ZBTB20: variants seen among roughly 807,000 people sequenced by gnomAD.
ZBTB20 encodes zinc finger and BTB domain containing 20.
Under a neutral mutation model 56.9 loss-of-function variants are expected in ZBTB20, and 9 were observed. The ratio of observed to expected loss-of-function variants is 0.16; its 90% CI spans 0.10 to 0.28. The LOEUF is 0.28. Among genes scored for constraint, ZBTB20 ranks in the 10% least tolerant of loss-of-function variants. The probability of loss-of-function intolerance (pLI) is 1.00; values close to 1 mark genes in which losing one functional copy is unlikely to be tolerated. For synonymous variants in ZBTB20, 417 were observed against 420.7 expected (o/e 0.99, Z 0.11); for missense variants, 655 against 1,003.0 (o/e 0.65, Z 4.69).
chr3:115,146,116 A>C (rs1238291083), intron 1 of ZBTB20, among the ~76,000 whole-genome samples: 1 of 152,184 alleles, frequency 6.6e-6, no homozygotes, highest in Non-Finnish European at 1.5e-5. Context: ...GCAAGCTTCC[A>C]AACTACTTCC....
intron 2 of ZBTB20, among the ~76,000 whole-genome samples, chr3:115,043,815 C>T (rs2081240804): frequency 6.6e-6 from 1 of 151,820 alleles, no homozygotes; most frequent in Non-Finnish European, 1.5e-5. Flanking sequence ...AATATGTGTC[C>T]CCTCCAAATC....
intron 6 of ZBTB20, among the ~76,000 whole-genome samples, chr3:114,518,328 GA>G (rs949225410): frequency 2.6e-5 from 4 of 151,252 alleles, no homozygotes; most frequent in Non-Finnish European, 4.4e-5. Context: ...AAATAGAAGA[GA>G]AAAAAAACCC....
At chr3:115,100,949 C>A (rs2083563187) in intron 1 of ZBTB20, among the ~76,000 whole-genome samples, 1 of 152,172 alleles carries the variant, frequency 6.6e-6, no homozygotes, top group South Asian at 2.1e-4. Flanking sequence ...GAAATCATTG[C>A]TCAGTTAATA....
chr3:114,485,025 T>C (rs2041967508), intron 7 of ZBTB20, among the ~76,000 whole-genome samples: 1 of 152,156 alleles, frequency 6.6e-6, no homozygotes, highest in African/African-American at 2.4e-5. Flanking sequence ...ATTGATTTGG[T>C]AGCTTTTGGA....
intron 3 of ZBTB20, among the ~76,000 whole-genome samples, chr3:114,905,012 G>T (rs1397162383): frequency 1.3e-5 from 2 of 151,804 alleles, no homozygotes; most frequent in Non-Finnish European, 2.9e-5. Flanking sequence ...TAAAATGAAA[G>T]AATTTAATAT....
At chr3:114,925,371 C>T (rs1051711287) in intron 3 of ZBTB20, among the ~76,000 whole-genome samples, 4 of 152,110 alleles carry the variant, frequency 2.6e-5, no homozygotes, top group East Asian at 1.9e-4. Flanking sequence ...TCTCTTAAAG[C>T]GCAGTTTTAA....
intron 3 of ZBTB20, among the ~76,000 whole-genome samples, chr3:114,920,859 AAAAG>A (rs912662152): frequency 1.3e-5 from 2 of 152,116 alleles, no homozygotes; most frequent in African/African-American, 2.4e-5. Flanking sequence ...CCCAAGGAAA[AAAAG>A]AAAGAAGACT....
chr3:114,490,963 TC>T (rs2042688209), intron 7 of ZBTB20, among the ~76,000 whole-genome samples: 1 of 152,174 alleles, frequency 6.6e-6, no homozygotes, highest in Non-Finnish European at 1.5e-5. Flanking sequence ...GTTATTCAAG[TC>T]CCTGTTCCTG....
intron 10 of ZBTB20, among the ~76,000 whole-genome samples, chr3:114,364,953 C>G (rs892430296): frequency 6.6e-6 from 1 of 152,180 alleles, no homozygotes; most frequent in Non-Finnish European, 1.5e-5. Flanking sequence ...AAACACCACA[C>G]AGCACAGGCT....
At chr3:114,769,164 C>T (rs796447667) in intron 5 of ZBTB20, among the ~76,000 whole-genome samples, 82 of 152,050 alleles carry the variant, frequency 5.4e-4, no homozygotes, top group African/African-American at 1.8e-3. Context: ...GACTAGTGTA[C>T]GTTTAATCAT....
At chr3:115,068,283 T>A (rs1310525972) in intron 2 of ZBTB20, among the ~76,000 whole-genome samples, 2 of 152,020 alleles carry the variant, frequency 1.3e-5, no homozygotes, top group Non-Finnish European at 2.9e-5. Flanking sequence ...ACTGTTGTCT[T>A]CATGTAAAAT....
At chr3:115,048,322 T>C (rs1478347349) in intron 2 of ZBTB20, among the ~76,000 whole-genome samples, 2 of 152,214 alleles carry the variant, frequency 1.3e-5, no homozygotes, top group Non-Finnish European at 2.9e-5. Context: ...ACAAATCTAC[T>C]ATTTCTATCT....
At chr3:114,999,374 A>G (rs757253732) in intron 2 of ZBTB20, among the ~76,000 whole-genome samples, 91 of 151,580 alleles carry the variant, frequency 6.0e-4, no homozygotes, top group Admixed American at 2.6e-4. Flanking sequence ...AGAGGAAGGA[A>G]GGAACTTGCA....
Position 114,325,590 on chromosome 3 carries a change from A to T in ZBTB20, c.*13415T>A, listed in dbSNP as rs918906593. On this transcript the variant is annotated 3_prime_UTR_variant, in exon 12 of 12. Coordinates refer to ENST00000675478, the MANE Select transcript of ZBTB20 (RefSeq NM_001348800.3). The stretch of plus-strand genomic sequence containing the variant: ...TCTTTGAATTGTAATAATGAGAGAT[A>T]GGCAAGAACAACAAGGGGTGAGTAG... 1 of 152,188 alleles carries T rather than the reference A, an allele frequency of 6.6e-6. No homozygotes were observed. Among genetic ancestry groups the T allele is most frequent in the East Asian group, 1.9e-4 (1 of 5,198 alleles). The allele number at this position is 152,188 out of a possible 1,614,324, so 9.4% of individuals were successfully genotyped here. A position where few individuals can be genotyped will look rare whatever the true frequency, so the allele number is the denominator to read the frequency against.
chr3:115,034,353 A>T (rs1576614506), intron 2 of ZBTB20, among the ~76,000 whole-genome samples: 1 of 151,682 alleles, frequency 6.6e-6, no homozygotes, highest in Non-Finnish European at 1.5e-5. Flanking sequence ...TCCACCAAAA[A>T]AAAACCCTGT....
chr3:115,106,390 C>T (rs980224485), intron 1 of ZBTB20, among the ~76,000 whole-genome samples: 2 of 151,530 alleles, frequency 1.3e-5, no homozygotes, highest in Admixed American at 1.3e-4. Flanking sequence ...CCCGCCACCA[C>T]GCCCAGCTAA....
At chr3:114,523,702 G>A (rs533904953) in intron 6 of ZBTB20, among the ~76,000 whole-genome samples, 63 of 152,262 alleles carry the variant, frequency 4.1e-4, no homozygotes, top group Non-Finnish European at 6.0e-4. Context: ...GAGGGTAGGT[G>A]TGCTGGACAG....
At chr3:114,559,304 C>A (rs1437700824) in intron 6 of ZBTB20, among the ~76,000 whole-genome samples, 1 of 152,166 alleles carries the variant, frequency 6.6e-6, no homozygotes, top group Non-Finnish European at 1.5e-5. Context: ...GCTTTCCCTG[C>A]ACATTAGGAT....
At chr3:114,710,769 A>G (rs951574939) in intron 5 of ZBTB20, among the ~76,000 whole-genome samples, 2 of 152,190 alleles carry the variant, frequency 1.3e-5, no homozygotes, top group Admixed American at 1.3e-4. Flanking sequence ...ACTGTTCTCC[A>G]CAGTGTAGCC....
Sources: gnomAD v4.1 joint callset for allele counts (sites outside exome capture counted in the v4.1 genomes callset) on GRCh38, gnomAD v4.1.1 for gene constraint, MANE v1.5 for transcripts, NCBI Gene and HGNC (gene_info 2026-07-23, HGNC 2026-07-21) for gene names.